STX8: variants seen among roughly 807,000 people sequenced by gnomAD.
STX8 encodes the protein syntaxin 8, also known as syntaxin-8.
A neutral mutation model predicts 37.5 loss-of-function variants in STX8; 23 were observed. The ratio of observed to expected loss-of-function variants is 0.61; its 90% CI spans 0.44 to 0.87. The LOEUF (loss-of-function observed/expected upper bound fraction) is 0.87, where lower values mean the gene tolerates loss of function less well. Among genes scored for constraint, STX8 ranks in the 40% least tolerant of loss-of-function variants. The pLI, the probability that STX8 is intolerant of heterozygous loss-of-function variation, is 0.00. For synonymous variants in STX8, 115 were observed against 99.1 expected (o/e 1.16, Z -0.95); for missense variants, 313 against 284.7 (o/e 1.10, Z -0.71).
intron 6 of STX8, among the ~76,000 whole-genome samples, chr17:9,450,515 T>A (rs1386163093): frequency 6.6e-6 from 1 of 151,494 alleles, no homozygotes; most frequent in Admixed American, 6.6e-5. Flanking sequence ...AATCTCCCTA[T>A]CTTACTCAGA....
At chr17:9,521,603 C>T (rs1905340569) in intron 4 of STX8, among the ~76,000 whole-genome samples, 2 of 152,198 alleles carry the variant, frequency 1.3e-5, no homozygotes, top group South Asian at 4.1e-4. Flanking sequence ...ATCCATCCAT[C>T]CATCTGACAA....
At chr17:9,427,769 A>T (rs887988088) in intron 6 of STX8, among the ~76,000 whole-genome samples, 7 of 152,142 alleles carry the variant, frequency 4.6e-5, no homozygotes, top group Admixed American at 1.3e-4. Flanking sequence ...GAGTCCTAGA[A>T]GGCTAGCGGG....
chr17:9,533,098 T>A (rs180673344), intron 4 of STX8, among the ~76,000 whole-genome samples: 23 of 152,348 alleles, frequency 1.5e-4, no homozygotes, highest in African/African-American at 5.5e-4. Context: ...TAAACAAGAA[T>A]TAACAAAATA....
intron 6 of STX8, among the ~76,000 whole-genome samples, chr17:9,471,032 T>C (rs1261898836): frequency 1.9e-4 from 7 of 36,892 alleles, no homozygotes; most frequent in African/African-American, 6.6e-4. Context: ...TGCATCCTGC[T>C]TTTTTTTTTT....
intron 6 of STX8, among the ~76,000 whole-genome samples, chr17:9,489,776 C>A (rs2142472664): frequency 6.7e-6 from 1 of 149,452 alleles, no homozygotes; most frequent in South Asian, 2.1e-4. Context: ...GCAACGTCTG[C>A]CTCCCAGGTT....
intron 7 of STX8, among the ~76,000 whole-genome samples, chr17:9,264,823 G>C (rs1417210121): frequency 6.6e-6 from 1 of 152,000 alleles, no homozygotes; most frequent in Non-Finnish European, 1.5e-5. Context: ...AAGAAGATGA[G>C]AAAAGAAAGG....
chr17:9,553,163 C>CGGG (rs1906837532), intron 3 of STX8: 1 of 152,114 alleles, frequency 6.6e-6, no homozygotes, highest in African/African-American at 2.4e-5. Flanking sequence ...TATGCAGCCT[C>CGGG]CCACAGCATA....
intron 6 of STX8, among the ~76,000 whole-genome samples, chr17:9,387,219 G>C (rs1377788165): frequency 6.6e-6 from 1 of 152,144 alleles, no homozygotes; most frequent in African/African-American, 2.4e-5. Context: ...GGGAGGACTT[G>C]GACACATAGC....
At chr17:9,568,990 C>T (rs544679180) in intron 1 of STX8, among the ~76,000 whole-genome samples, 1 of 152,300 alleles carries the variant, frequency 6.6e-6, no homozygotes, top group East Asian at 1.9e-4. Context: ...AACAGGAACG[C>T]TATGAAGTGG....
chr17:9,531,759 T>C (rs1334168597), intron 4 of STX8, among the ~76,000 whole-genome samples: 1 of 152,216 alleles, frequency 6.6e-6, no homozygotes, highest in Admixed American at 6.5e-5. Flanking sequence ...AAATAATGTT[T>C]TATAGTTTTC....
intron 6 of STX8, among the ~76,000 whole-genome samples, chr17:9,417,009 C>CT (rs1406113470): frequency 6.6e-6 from 1 of 152,198 alleles, no homozygotes; most frequent in African/African-American, 2.4e-5. Flanking sequence ...CTGTGGCCCC[C>CT]TACCCAGAGG....
At chr17:9,331,860 C>T (rs1476780454) in intron 7 of STX8, among the ~76,000 whole-genome samples, 1 of 151,830 alleles carries the variant, frequency 6.6e-6, no homozygotes, top group East Asian at 1.9e-4. Flanking sequence ...GACAAAGACA[C>T]TGCAAACAAA....
In STX8 at chr17:9,263,095, C is replaced by T. The variant is rs1039553852; in HGVS notation, c.644-12450G>A. On this transcript the variant is annotated intron_variant, in intron 7 of 7. Transcript: ENST00000306357. ...ACCCCGTCTGGGTTGCATCTCCTTA[C>T]TCTGAAGGGGCTAAAGTCCCAACAG... 2.5e-4 allele frequency among the ~76,000 whole-genome samples: 38 copies of T among 152,244 alleles called. 2 individuals carry two copies. Among genetic ancestry groups the T allele is most frequent in the Admixed American group, 2.4e-3 (36 of 15,286 alleles).
intron 6 of STX8, among the ~76,000 whole-genome samples, chr17:9,483,557 T>G (rs1906439273): frequency 6.6e-6 from 1 of 152,186 alleles, no homozygotes; most frequent in South Asian, 2.1e-4. Flanking sequence ...TCTTCTAAAC[T>G]TTTAACATGA....
intron 6 of STX8, among the ~76,000 whole-genome samples, chr17:9,483,398 C>A (rs981571227): frequency 3.3e-5 from 5 of 152,284 alleles, no homozygotes; most frequent in African/African-American, 1.2e-4. Context: ...TTAGGGTTCA[C>A]TGGGATAATC....
intron 4 of STX8, among the ~76,000 whole-genome samples, chr17:9,526,803 C>T (rs1484160018): frequency 2.7e-5 from 4 of 150,066 alleles, no homozygotes; most frequent in African/African-American, 7.4e-5. Flanking sequence ...GTGGAGGTTG[C>T]GGTGAGCTGA....
At chr17:9,572,321 A>C (rs75981807) in intron 1 of STX8, among the ~76,000 whole-genome samples, 2,692 of 152,320 alleles carry the variant, frequency 0.018, 98 homozygotes, top group African/African-American at 0.062. Context: ...CCATTGCTAG[A>C]CACTGAGGGA....
chr17:9,560,334 G>A (rs1907176513), intron 2 of STX8, among the ~76,000 whole-genome samples: 1 of 143,086 alleles, frequency 7.0e-6, no homozygotes, highest in South Asian at 2.3e-4. Flanking sequence ...GGAAGCGGAG[G>A]TTGCAGTGAG....
intron 6 of STX8, among the ~76,000 whole-genome samples, chr17:9,388,160 C>T (rs973781619): frequency 6.6e-6 from 1 of 150,520 alleles, no homozygotes; most frequent in African/African-American, 2.5e-5. Context: ...CAACCTCCGC[C>T]TCCCAGGTTC....
Sources: allele counts gnomAD v4.1 joint callset (sites outside exome capture counted in the v4.1 genomes callset), GRCh38; gene constraint gnomAD v4.1.1; transcripts MANE v1.5; gene names NCBI Gene and HGNC (gene_info 2026-07-23, HGNC 2026-07-21).